KRT3: variants seen among roughly 807,000 people sequenced by gnomAD.
KRT3 encodes keratin, type II cytoskeletal 3.
Under a neutral mutation model 45.8 loss-of-function variants are expected in KRT3, and 34 were observed. The ratio of observed to expected loss-of-function variants is 0.74; its 90% confidence interval spans 0.57 to 0.99. The LOEUF (loss-of-function observed/expected upper bound fraction) is 0.99. Among genes scored for constraint, KRT3 ranks in the 50% least tolerant of loss-of-function variants. The pLI is 0.00. For synonymous variants in KRT3, 367 were observed against 329.0 expected (o/e 1.12, Z -1.25); for missense variants, 828 against 820.6 (o/e 1.01, Z -0.11).
Position 52,790,264 on chromosome 12 carries a change from A to G in KRT3, c.1665T>C (p.Ser555=). ...GMGGGLGGGF[S]AGGGSGSGFG... ...AGCCACTGCCTGAGCCGCCGCCCGCACTGAAGCCACCTCCTAAACCACCGC... is the reference window on the plus strand; with the variant it reads ...AGCCACTGCCTGAGCCGCCGCCCGCGCTGAAGCCACCTCCTAAACCACCGC... Residue 555 remains serine (S), a synonymous_variant, in exon 9 of 9, where the codon AGT becomes AGC. Transcript: ENST00000417996. 1 of 1,551,750 alleles carries G rather than the reference A, an allele frequency of 6.4e-7. No homozygotes were observed. Among genetic ancestry groups the G allele is most frequent in the Non-Finnish European group, 8.7e-7 (1 of 1,147,362 alleles).
In KRT3 at chr12:52,791,342, G is replaced by A. The variant is rs747280783; in HGVS notation, c.1399C>T (p.Leu467=). The stretch of plus-strand genomic sequence containing the variant: ...TTCGCCTGCTGTAGAGCAGCCTGCA[G>A]CTCTTGGAGCTTGGCATTGGCATCC... ...LKDANAKLQE[L]QAALQQAKDD... The change falls in exon 7 of 9, where the codon CTG becomes TTG. Residue 467 remains leucine, a synonymous_variant. Transcript: ENST00000417996. The A allele has an allele frequency of 6.2e-7, 1 of 1,614,236 alleles. No homozygotes were observed. The highest frequency in any genetic ancestry group is 1.1e-5 in the South Asian group (1 of 91,088).
At chr12:52,794,404 G>C in intron 1 of KRT3, 73 bp from the exon 2 acceptor site, 1 of 1,119,166 alleles carries the variant, frequency 8.9e-7, no homozygotes, top group African/African-American at 1.6e-5. Flanking sequence ...ACTCAGGTAG[G>C]ACTAGGTGTC....
chr12:52,793,882 A>C (rs1360437559), intron 2 of KRT3, among the ~76,000 whole-genome samples: 1 of 152,162 alleles, frequency 6.6e-6, no homozygotes, highest in Non-Finnish European at 1.5e-5. Flanking sequence ...ATGAGCCACC[A>C]AGCCCAGCCT....
chr12:52,791,063 G>C, intron 7 of KRT3, 143 bp downstream of exon 7: 8 of 1,374,616 alleles, frequency 5.8e-6, no homozygotes, highest in Admixed American at 1.9e-5. Context: ...CCCTGGGAGG[G>C]AGTGGGCTGG....
chr12:52,792,418 G>T lies in KRT3; in HGVS notation c.1024-15C>A, dbSNP rs762650947. ...TGAGATAGCTCCTGTCAACACAGAG[G>T]GAGCTTGTTCACTTTTGGGGTCCCT... On this transcript the variant is annotated splice_polypyrimidine_tract_variant and intron_variant, in intron 4 of 8. Coordinates refer to ENST00000417996, the MANE Select transcript of KRT3 (RefSeq NM_057088.3). 6.2e-7 allele frequency: 1 copy of T among 1,613,024 alleles called. No individual in the cohort carries two copies. Among genetic ancestry groups the T allele is most frequent in the East Asian group, 2.2e-5 (1 of 44,880 alleles).
At chr12:52,790,388 G>T in intron 8 of KRT3, 30 bp from the exon 9 acceptor site, 1 of 1,561,202 alleles carries the variant, frequency 6.4e-7, no homozygotes, top group Non-Finnish European at 8.7e-7. Context: ...ACAGCGATCA[G>T]CGACGGCGCC....
chr12:52,796,065 A>C lies in KRT3; in HGVS notation c.-23T>G. ...CATGGTAAGGAGCTTGGCGAAGAGA[A>C]GAGTGTAAGTTAAGCAGGGACACTG... is the stretch of plus-strand genomic sequence containing the variant. On this transcript the variant is annotated 5_prime_UTR_variant, in exon 1 of 9. Transcript: ENST00000417996. 6.2e-7 allele frequency: 1 copy of C among 1,611,640 alleles called. No individual in the cohort carries two copies.
chr12:52,793,093 G>T, intron 3 of KRT3, 70 bp downstream of exon 3: 1 of 1,257,006 alleles, frequency 8.0e-7, no homozygotes. Context: ...GCAGTGGAGT[G>T]AGGAGATTCC....
At chr12:52,795,037 T>A (rs1939605678) in intron 1 of KRT3, among the ~76,000 whole-genome samples, 1 of 152,162 alleles carries the variant, frequency 6.6e-6, no homozygotes, top group Non-Finnish European at 1.5e-5. Flanking sequence ...AGCTTGTATT[T>A]GAAAAGCCTC....
chr12:52,790,069 G>A lies in KRT3; in HGVS notation c.1860C>T (p.Ser620=), dbSNP rs1939448381. 6.5e-7 allele frequency: 1 copy of A among 1,540,408 alleles called. No homozygotes were observed. Among genetic ancestry groups the A allele is most frequent in the African/African-American group, 1.4e-5 (1 of 72,984 alleles). The change falls in exon 9 of 9, where the codon TCC becomes TCT. Residue 620 remains serine, a synonymous_variant. Coordinates refer to ENST00000417996, the MANE Select transcript of KRT3 (RefSeq NM_057088.3). ...RGGSIKFSQS[S]QSSQRYSR is the part of the protein sequence containing the mutation. ...ATCTGGAGTAGCGCTGGGAGGACTG[G>A]GAGGACTGGGAGAACTTGATGCTGC...
In KRT3 at chr12:52,793,237, A is replaced by G. The variant is rs1300992839; in HGVS notation, c.867-14T>C. The G allele has an allele frequency of 3.8e-6, 6 of 1,589,794 alleles. No homozygotes were observed. The highest frequency in any genetic ancestry group is 5.1e-6 in the Non-Finnish European group (6 of 1,165,728). On this transcript the variant is annotated splice_polypyrimidine_tract_variant and intron_variant, in intron 2 of 8. Transcript: ENST00000417996. ...TCATCCTCATATCTGTGTGAATAAA[A>G]AAGAAACAGCTGAGTTTGGTTTTGA... is the stretch of plus-strand genomic sequence containing the variant.
At chr12:52,791,991 G>A (rs577786867) in intron 5 of KRT3, among the ~76,000 whole-genome samples, 175 bp from the exon 6 acceptor site, 1 of 152,352 alleles carries the variant, frequency 6.6e-6, no homozygotes, top group African/African-American at 2.4e-5. Context: ...CATCTGGGTT[G>A]TTGTGGTAGA....
At position 52,795,625 on chromosome 12, in the gene KRT3, G is replaced by A. The variant is rs568679352; in HGVS notation, c.418C>T (p.Pro140Ser). Residue 140 changes from proline (P) to serine (S), a missense_variant, in exon 1 of 9, where the codon CCT becomes TCT. Pro to Ser is a moderately conservative substitution (Grantham distance 74). Coordinates refer to ENST00000417996, the MANE Select transcript of KRT3 (RefSeq NM_057088.3). ...GFGGAGGFGG[P>S]GGFGGSGGFG... ...CCACCAGACCCACCAAAGCCACCAG[G>A]ACCACCAAAGCCACCAGCCCCTCCA... 1.9e-6 allele frequency: 3 copies of A among 1,584,688 alleles called. No individual in the cohort carries two copies. Among genetic ancestry groups the A allele is most frequent in the African/African-American group, 2.7e-5 (2 of 72,786 alleles).
chr12:52,793,261 G>A (rs369730226), intron 2 of KRT3, 38 bp from the exon 3 acceptor site: 67 of 1,466,660 alleles, frequency 4.6e-5, no homozygotes, highest in Non-Finnish European at 6.2e-5. Context: ...GTTTGGTTTT[G>A]AGGTCATCGT....
At position 52,791,781 on chromosome 12, in the gene KRT3, C is replaced by A; in HGVS notation, c.1224G>T (p.Gly408=). 6 of 1,614,052 alleles carry A rather than the reference C, an allele frequency of 3.7e-6. No homozygotes were observed. The highest frequency in any genetic ancestry group is 5.1e-6 in the Non-Finnish European group (6 of 1,179,960). The change falls in exon 6 of 9, where the codon GGG becomes GGT. Residue 408 remains glycine, a synonymous_variant. Transcript: ENST00000417996. ...GELQTTAGRH[G]DDLRNTKSEI... Reference sequence around the variant, plus strand: ...CGCTCTTGGTATTTCTTAGGTCATCCCCATGCCTGCCAGCCGTGGTCTGCA... The same window carrying A: ...CGCTCTTGGTATTTCTTAGGTCATCACCATGCCTGCCAGCCGTGGTCTGCA...
chr12:52,790,388 G>C, intron 8 of KRT3, 30 bp from the exon 9 acceptor site: 1 of 1,561,204 alleles, frequency 6.4e-7, no homozygotes, highest in Non-Finnish European at 8.7e-7. Context: ...ACAGCGATCA[G>C]CGACGGCGCC....
rs761667664 is a variant in KRT3, at chr12:52,792,697, G to T, written c.1023+14C>A. ...ACTCTCCCTCTGTCCCTTCTTAGTA[G>T]GTAACATCCTTACAGCGTCGTAGAG... is the stretch of plus-strand genomic sequence containing the variant. On this transcript the variant is annotated intron_variant, in intron 4 of 8. Transcript: ENST00000417996. 1.9e-6 allele frequency: 3 copies of T among 1,565,166 alleles called. No homozygotes were observed. Among genetic ancestry groups the T allele is most frequent in the Non-Finnish European group, 2.6e-6 (3 of 1,135,554 alleles).
chr12:52,795,936 C>G lies in KRT3; in HGVS notation c.107G>C (p.Gly36Ala), dbSNP rs1939637467. 1 of 1,614,006 alleles carries G rather than the reference C, an allele frequency of 6.2e-7. No homozygotes were observed. The highest frequency in any genetic ancestry group is 1.1e-5 in the South Asian group (1 of 91,084). ...SSRMSCVAHS[G>A]GAGGGAYGFR... ...GCCATAGGCCCCTCCGCCAGCTCCC[C>G]CAGAGTGGGCCACACAGCTCATCCT... The change falls in exon 1 of 9, where the codon GGG becomes GCG. Residue 36 changes from glycine to alanine, a missense_variant. By Grantham distance (60) the Gly-to-Ala change is moderately conservative. Coordinates refer to ENST00000417996, the MANE Select transcript of KRT3 (RefSeq NM_057088.3).
In KRT3 at chr12:52,791,676, C is replaced by T. The variant is rs1209203576; in HGVS notation, c.1314+15G>A. 2 of 1,614,112 alleles carry T rather than the reference C, an allele frequency of 1.2e-6. No homozygotes were observed. The highest frequency in any genetic ancestry group is 1.1e-5 in the South Asian group (1 of 91,074). On this transcript the variant is annotated intron_variant, in intron 6 of 8. Coordinates refer to ENST00000417996, the MANE Select transcript of KRT3 (RefSeq NM_057088.3). ...CAGCAATCATCCCAGGTGCCAGCAT[C>T]CATGACCATCCCACCTGCTTCTTGA...
Sources: gnomAD v4.1 joint callset for allele counts (sites outside exome capture counted in the v4.1 genomes callset) on GRCh38, gnomAD v4.1.1 for gene constraint, MANE v1.5 for transcripts, NCBI Gene and HGNC (gene_info 2026-07-23, HGNC 2026-07-21) for gene names.